The following MTR variants were observed in gnomAD, a reference collection of about 807,000 sequenced individuals.
MTR encodes the protein methionine synthase.
MTR carries 84 observed loss-of-function variants against 154.8 expected under a neutral mutation model. That is an observed-to-expected ratio of 0.54 (90% CI 0.45 to 0.65). The LOEUF (loss-of-function observed/expected upper bound fraction) is 0.65, where lower values mean the gene tolerates loss of function less well. MTR is among the 30% of genes least tolerant of loss of function. The pLI is 0.00. For missense variants in MTR, 1,275 were observed against 1,570.2 expected (o/e 0.81, Z 3.18); for synonymous variants, 554 against 553.9 (o/e 1.00, Z 0.00).
intron 29 of MTR, 38 bp downstream of exon 29, chr1:236,891,367 G>A (rs374997270): frequency 1.8e-5 from 28 of 1,590,810 alleles, no homozygotes; most frequent in East Asian, 4.5e-5. Context: ...CACCGCTTTC[G>A]CTTGTGAGTT....
At chr1:236,822,785 C>G (rs1662045635) in intron 8 of MTR, among the ~76,000 whole-genome samples, 1 of 152,146 alleles carries the variant, frequency 6.6e-6, no homozygotes, top group Non-Finnish European at 1.5e-5. Context: ...TGAAGAAAGA[C>G]AGTTTTATTT....
intron 12 of MTR, among the ~76,000 whole-genome samples, chr1:236,831,621 A>G (rs1271553809): frequency 6.6e-6 from 1 of 152,202 alleles, no homozygotes; most frequent in African/African-American, 2.4e-5. Context: ...AACTTTGTCC[A>G]TGGTTTTTGC....
At chr1:236,894,824 C>G in intron 30 of MTR, 1 of 505,134 alleles carries the variant, frequency 2.0e-6, no homozygotes, top group Non-Finnish European at 3.5e-6. Flanking sequence ...TCTACCTTAT[C>G]TCTGTTGTCT....
At chr1:236,860,880 G>A (rs1261456128) in intron 19 of MTR, among the ~76,000 whole-genome samples, 1 of 152,192 alleles carries the variant, frequency 6.6e-6, no homozygotes, top group Non-Finnish European at 1.5e-5. Flanking sequence ...AGCCAGCTAA[G>A]CACTTTATCT....
At chr1:236,881,350 T>C (rs926415313) in intron 25 of MTR, among the ~76,000 whole-genome samples, 1 of 152,186 alleles carries the variant, frequency 6.6e-6, no homozygotes, top group Non-Finnish European at 1.5e-5. Context: ...CAGTGAAGCC[T>C]AACATTCTAT....
At chr1:236,882,640 G>T (rs188224681) in intron 25 of MTR, among the ~76,000 whole-genome samples, 1 of 152,056 alleles carries the variant, frequency 6.6e-6, no homozygotes, top group African/African-American at 2.4e-5. Context: ...TGATCCACCC[G>T]CCTCGGCTTC....
intron 1 of MTR, among the ~76,000 whole-genome samples, chr1:236,799,772 A>G (rs185534779): frequency 2.0e-5 from 3 of 151,272 alleles, no homozygotes; most frequent in Non-Finnish European, 4.4e-5. Flanking sequence ...CTTGGTTTTT[A>G]TGTAATCAAA....
chr1:236,868,819 CTGAG>C (rs1378399009), intron 22 of MTR, among the ~76,000 whole-genome samples: 5 of 152,142 alleles, frequency 3.3e-5, no homozygotes, highest in Non-Finnish European at 7.3e-5. Context: ...GAACGTTCAG[CTGAG>C]TGAGGAACAT....
At chr1:236,887,118 G>A (rs753227601) in intron 27 of MTR, among the ~76,000 whole-genome samples, 6 of 152,126 alleles carry the variant, frequency 3.9e-5, no homozygotes, top group Non-Finnish European at 5.9e-5. Flanking sequence ...AGTGAACAGG[G>A]GTTATATTAA....
At chr1:236,819,490 C>T (rs2103073537) in intron 8 of MTR, 2 of 283,322 alleles carry the variant, frequency 7.1e-6, no homozygotes, top group South Asian at 3.9e-5. Flanking sequence ...GGGTTTTTTT[C>T]CCATTCATGT....
chr1:236,858,196 C>G (rs913641451), intron 18 of MTR, among the ~76,000 whole-genome samples: 3 of 152,152 alleles, frequency 2.0e-5, no homozygotes, highest in African/African-American at 7.2e-5. Context: ...AATGGACTCA[C>G]GGTTCCACGT....
At chr1:236,820,458 TG>T in intron 8 of MTR, 1 of 1,410,780 alleles carries the variant, frequency 7.1e-7, no homozygotes, top group Non-Finnish European at 9.8e-7. Flanking sequence ...CACGGAAGAC[TG>T]GTCTGCAGCT....
intron 12 of MTR, among the ~76,000 whole-genome samples, chr1:236,831,301 T>C (rs560576215): frequency 2.8e-4 from 43 of 152,362 alleles, no homozygotes; most frequent in African/African-American, 1.0e-3. Flanking sequence ...TTATCTGATA[T>C]TTGCCCCTAA....
At chr1:236,825,756 T>C (rs1405369565) in intron 10 of MTR, among the ~76,000 whole-genome samples, 1 of 152,170 alleles carries the variant, frequency 6.6e-6, no homozygotes, top group East Asian at 1.9e-4. Context: ...TGGCCGCCCA[T>C]TGTCACCTCC....
intron 18 of MTR, among the ~76,000 whole-genome samples, 156 bp downstream of exon 18, chr1:236,853,244 G>GTAGC (rs1209450079): frequency 6.6e-6 from 1 of 152,198 alleles, no homozygotes; most frequent in African/African-American, 2.4e-5. Flanking sequence ...AGATGGTGGT[G>GTAGC]TAGCTAGGGC....
rs751839046 is a variant in MTR, at chr1:236,859,890, G to A, written c.2011G>A (p.Val671Ile). ...IQTDEWRNGPVEERLEYALVK... is the reference protein window; with the variant it reads ...IQTDEWRNGPIEERLEYALVK... ...GACTGATGAGTGGAGAAATGGCCCT[G>A]TCGAAGAACGCCTTGAGTATGCCCT... The change falls in exon 19 of 33, where the codon GTC (valine) becomes ATC (isoleucine). Residue 671 changes from valine (V) to isoleucine (I), a missense_variant. Transcript: ENST00000366577. The A allele has an allele frequency of 1.2e-6, 2 of 1,614,018 alleles. No individual in the cohort carries two copies. The highest frequency in any genetic ancestry group is 1.7e-6 in the Non-Finnish European group (2 of 1,179,940).
chr1:236,795,439 C>A lies in MTR; in HGVS notation c.-265C>A. On this transcript the variant is annotated 5_prime_UTR_variant, in exon 1 of 33. Transcript: ENST00000366577. ...GGCCGCGCGTGTCTGGCTGCTAGGC[C>A]GACACCAAGGACTGGCCGGGTACCC... The A allele has an allele frequency of 6.7e-7, 1 of 1,485,366 alleles. No individual in the cohort carries two copies. Among genetic ancestry groups the A allele is most frequent in the Non-Finnish European group, 9.0e-7 (1 of 1,114,048 alleles). 92.0% of individuals were successfully genotyped at this position (1,485,366 alleles called of 1,614,324 possible).
intron 3 of MTR, among the ~76,000 whole-genome samples, chr1:236,807,585 A>G (rs73129117): frequency 0.083 from 12,695 of 152,236 alleles, 1,113 homozygotes; most frequent in African/African-American, 0.22. Context: ...TAATGATACT[A>G]TTGGCAGATT....
rs1037499603 is a variant in MTR, at chr1:236,826,894, C to T, written c.993C>T (p.Ile331=). Residue 331 remains isoleucine, a splice_region_variant and synonymous_variant, in exon 11 of 33, where the codon ATC becomes ATT. Coordinates refer to ENST00000366577, the MANE Select transcript of MTR (RefSeq NM_000254.3). The part of the protein sequence containing the change: ...GGCCGSTPDH[I]REIAEAVKNC... ...GCTGTGGGTCAACACCAGATCATAT[C>T]AGGTAATAATCACCTATAGACAATA... 3.7e-6 allele frequency: 6 copies of T among 1,613,042 alleles called. No homozygotes were observed. In the Admixed American group the frequency reaches 8.3e-5, roughly 22 times the overall value.
Sources: allele counts gnomAD v4.1 joint callset (sites outside exome capture counted in the v4.1 genomes callset), GRCh38; gene constraint gnomAD v4.1.1; transcripts MANE v1.5; gene names NCBI Gene and HGNC (gene_info 2026-07-23, HGNC 2026-07-21).